Variants in NEURL1 observed in about 807,000 individuals in gnomAD.
NEURL1 encodes the protein neuralized E3 ubiquitin protein ligase 1.
In NEURL1, 26 loss-of-function variants were observed where a neutral mutation model predicts 41.2. The observed-to-expected ratio is 0.63, with a 90% CI of 0.46 to 0.87. The LOEUF is 0.87. Ranked by LOEUF, NEURL1 falls within the 40% of genes least tolerant of loss-of-function variation. The pLI, the probability that NEURL1 is intolerant of heterozygous loss-of-function variation, is 0.00. For missense variants in NEURL1, 761 were observed against 871.1 expected (o/e 0.87, Z 1.59); for synonymous variants, 400 against 402.3 (o/e 0.99, Z 0.07).
chr10:103,558,503 CTGTGTGTGTG>C lies in NEURL1; in HGVS notation c.86-12333_86-12324del, dbSNP rs3068767. ...GTGGTACTCTGTGCCTGTGCCATGC[CTGTGTGTGTG>C]TGTGTGTGTGTGTGTGTGTGTGTGT... On this transcript the variant is annotated intron_variant, in intron 1 of 5. Transcript: ENST00000369780. This position sits in a 1 kb window ranked among gnomAD's most constrained non-coding sequence, Gnocchi z 4.2. 2.3e-3 allele frequency among the ~76,000 whole-genome samples: 303 copies of C among 131,992 alleles called. 1 individual carries two copies. The highest frequency in any genetic ancestry group is 7.0e-3 in the African/African-American group (239 of 34,222). The allele number at this position is 131,992 out of a possible 152,430, so 86.6% of individuals were successfully genotyped here.
intron 1 of NEURL1, among the ~76,000 whole-genome samples, chr10:103,563,457 GCC>G (rs2035350139): frequency 6.6e-6 from 1 of 152,060 alleles, no homozygotes; most frequent in African/African-American, 2.4e-5. Flanking sequence ...TCGCCCCACC[GCC>G]CAGAAAGTGA....
chr10:103,571,177 G>A, intron 2 of NEURL1, 64 bp downstream of exon 2: 1 of 1,544,530 alleles, frequency 6.5e-7, no homozygotes, highest in East Asian at 2.2e-5. Context: ...GCATCCCCTG[G>A]GCCTCTGGAC....
At chr10:103,557,922 C>G (rs574704707) in intron 1 of NEURL1, among the ~76,000 whole-genome samples, 5 of 152,264 alleles carry the variant, frequency 3.3e-5, no homozygotes, top group Non-Finnish European at 5.9e-5. Context: ...CTCTGCCACC[C>G]AGATTGGAGT....
intron 4 of NEURL1, among the ~76,000 whole-genome samples, chr10:103,586,467 A>G (rs1170928736): frequency 6.6e-6 from 1 of 152,124 alleles, no homozygotes; most frequent in Admixed American, 6.5e-5. Context: ...TTTCTTTAGT[A>G]AGTATGCTTA....
chr10:103,495,555 G>A (rs997514614), intron 1 of NEURL1, among the ~76,000 whole-genome samples: 1 of 152,124 alleles, frequency 6.6e-6, no homozygotes, highest in African/African-American at 2.4e-5. Flanking sequence ...CTTGCTTCAG[G>A]TTCCCAAAGC....
Position 103,585,122 on chromosome 10 carries a change from C to A in NEURL1, c.1236C>A (p.Ser412Arg). ...VVNADGELHL[S>R]HNGAAAGMQL... is the part of the protein sequence containing the mutation. ...ACGCCGACGGCGAGCTGCACCTCAG[C>A]CACAATGGCGCGGCCGCCGGCATGC... Residue 412 changes from serine to arginine, a missense_variant, in exon 4 of 6, where the codon AGC (serine) becomes AGA (arginine). Transcript: ENST00000369780. 2 of 1,591,260 alleles carry A rather than the reference C, an allele frequency of 1.3e-6. No individual in the cohort carries two copies. The highest frequency in any genetic ancestry group is 1.1e-5 in the South Asian group (1 of 89,434).
intron 1 of NEURL1, among the ~76,000 whole-genome samples, chr10:103,526,141 A>G (rs2034454387): frequency 6.6e-6 from 1 of 151,988 alleles, no homozygotes; most frequent in Non-Finnish European, 1.5e-5. Context: ...GTTGACCAGT[A>G]TTTTGTTGAG....
chr10:103,574,057 C>T (rs538905529), intron 3 of NEURL1, among the ~76,000 whole-genome samples: 35 of 150,892 alleles, frequency 2.3e-4, no homozygotes, highest in Non-Finnish European at 4.4e-4. Context: ...CTGCAGAGGA[C>T]GTGGAGGAAT....
chr10:103,565,875 A>T lies in NEURL1; in HGVS notation c.86-4997A>T, dbSNP rs1028036365. On this transcript the variant is annotated intron_variant, in intron 1 of 5. Transcript: ENST00000369780. The stretch of plus-strand genomic sequence containing the variant: ...GCCATGTTGCCCAGGCTGGTCTCGA[A>T]CTCCTGGGCTCATGTGATCAGCCTG... 7.3e-5 allele frequency among the ~76,000 whole-genome samples: 11 copies of T among 151,696 alleles called. No homozygotes were observed. The South Asian group carries it at 1.3e-3, about 17-fold the overall frequency.
At chr10:103,522,922 GT>G (rs202002619) in intron 1 of NEURL1, among the ~76,000 whole-genome samples, 8 of 147,892 alleles carry the variant, frequency 5.4e-5, no homozygotes, top group African/African-American at 7.4e-5. Flanking sequence ...AATCCTTCTA[GT>G]TTTTTTTTTA....
At chr10:103,544,207 A>G (rs551048897) in intron 1 of NEURL1, among the ~76,000 whole-genome samples, 2 of 152,152 alleles carry the variant, frequency 1.3e-5, no homozygotes, top group Non-Finnish European at 1.5e-5. Context: ...GACCTCTTGG[A>G]TGGGGAATCT....
chr10:103,584,645 C>T lies in NEURL1; in HGVS notation c.759C>T (p.Cys253=), dbSNP rs376912915. Residue 253 remains cysteine (C), a synonymous_variant, in exon 4 of 6, where the codon TGC becomes TGT. Transcript: ENST00000369780. The part of the protein sequence containing the change: ...ADDARLSVSL[C]DLNVPGADGD... ...ACGCGCGCCTCTCGGTGAGCCTATGCGACCTCAACGTGCCGGGCGCGGACG... is the reference window on the plus strand; with the variant it reads ...ACGCGCGCCTCTCGGTGAGCCTATGTGACCTCAACGTGCCGGGCGCGGACG... 392 of 1,428,574 alleles carry T rather than the reference C, an allele frequency of 2.7e-4. 4 individuals carry two copies. The East Asian group carries it at 0.01, about 38-fold the overall frequency. The allele number at this position is 1,428,574 out of a possible 1,614,324, so 88.5% of individuals were successfully genotyped here.
rs2033623930 is a variant in NEURL1, at chr10:103,494,221, T to C, written c.-167T>C. On this transcript the variant is annotated 5_prime_UTR_variant, in exon 1 of 6. Coordinates refer to ENST00000369780, the MANE Select transcript of NEURL1 (RefSeq NM_004210.5). ...GCGGAACCCGCCAAGGACCGCGAAG[T>C]CCAGAGAAAGGAAGCTGAGGAGCTG... 3 of 541,106 alleles carry C rather than the reference T, an allele frequency of 5.5e-6. No homozygotes were observed. Among genetic ancestry groups the C allele is most frequent in the Non-Finnish European group, 9.6e-6 (3 of 312,966 alleles). 33.5% of individuals were successfully genotyped at this position (541,106 alleles called of 1,614,324 possible).
At position 103,555,233 on chromosome 10, in the gene NEURL1, G is replaced by A; in HGVS notation, c.86-15639G>A. Reference sequence around the variant, plus strand: ...CGGAGGGGGCGCGTGGGGGCGCGTGGGGGCGCGGGAGGGGCCTCGGCCCTG... The same window carrying A: ...CGGAGGGGGCGCGTGGGGGCGCGTGAGGGCGCGGGAGGGGCCTCGGCCCTG... On this transcript the variant is annotated intron_variant, in intron 1 of 5. Coordinates refer to ENST00000369780, the MANE Select transcript of NEURL1 (RefSeq NM_004210.5). 6 of 895,266 alleles carry A rather than the reference G, an allele frequency of 6.7e-6. No homozygotes were observed. In the South Asian group the frequency reaches 2.3e-4, roughly 34 times the overall value. The allele number at this position is 895,266 out of a possible 1,614,324, so 55.5% of individuals were successfully genotyped here. A position where few individuals can be genotyped will look rare whatever the true frequency, so the allele number is the denominator to read the frequency against.
At chr10:103,498,258 C>G in intron 1 of NEURL1, among the ~76,000 whole-genome samples, 1 of 152,202 alleles carries the variant, frequency 6.6e-6, no homozygotes. Flanking sequence ...GACGGAGTCT[C>G]GCTCTGTCGC....
rs142243710 is a variant in NEURL1, at chr10:103,520,105, G to C, written c.85+25633G>C. Among the ~76,000 whole-genome samples, 740 of 152,144 alleles carry C rather than the reference G, an allele frequency of 4.9e-3. 5 individuals are homozygous for C. The highest frequency in any genetic ancestry group is 0.017 in the African/African-American group (686 of 41,484). ...GGCCCAGATAGTTGCTTTAAAAACA[G>C]TTTATTGCTTAAATTTTTATAAAGG... On this transcript the variant is annotated intron_variant, in intron 1 of 5. Transcript: ENST00000369780.
chr10:103,575,510 G>T (rs1030144714), intron 3 of NEURL1, among the ~76,000 whole-genome samples: 1 of 152,214 alleles, frequency 6.6e-6, no homozygotes, highest in Non-Finnish European at 1.5e-5. Context: ...GCTTCCCAGG[G>T]TAGCTGGCAC....
intron 1 of NEURL1, among the ~76,000 whole-genome samples, chr10:103,515,120 C>T (rs550137988): frequency 5.9e-4 from 87 of 147,648 alleles, no homozygotes; most frequent in Admixed American, 9.8e-4. Flanking sequence ...CCCAGCTATT[C>T]GGGAGGCTGA....
intron 1 of NEURL1, among the ~76,000 whole-genome samples, chr10:103,497,751 G>A (rs563805893): frequency 6.6e-6 from 1 of 152,184 alleles, no homozygotes; most frequent in Non-Finnish European, 1.5e-5. Context: ...TGCCCGAGGA[G>A]CTCCCATGTG....
Sources: allele counts gnomAD v4.1 joint callset (sites outside exome capture counted in the v4.1 genomes callset), GRCh38; gene constraint gnomAD v4.1.1; non-coding constraint Gnocchi (gnomAD v3.1); transcripts MANE v1.5; gene names NCBI Gene and HGNC (gene_info 2026-07-23, HGNC 2026-07-21).